NR4A1: variants seen among roughly 807,000 people sequenced by gnomAD.
NR4A1 encodes nuclear receptor subfamily 4immunitygroup A member 1.
In NR4A1, 24 loss-of-function variants were observed where a neutral mutation model predicts 47.5. The observed-to-expected ratio is 0.50, with a 90% confidence interval of 0.37 to 0.71. The LOEUF is 0.71. NR4A1 is among the 30% of genes least tolerant of loss of function. The pLI, the probability that NR4A1 is intolerant of heterozygous loss-of-function variation, is 0.00. For missense variants in NR4A1, 669 were observed against 788.6 expected (o/e 0.85, Z 1.82); for synonymous variants, 353 against 345.7 (o/e 1.02, Z -0.24).
chr12:52,036,836 C>G (rs1258757202), intron 1 of NR4A1, among the ~76,000 whole-genome samples: 1 of 152,218 alleles, frequency 6.6e-6, no homozygotes, highest in East Asian at 1.9e-4. Context: ...CTCTGGGCCT[C>G]GCTCTTTCCA....
At position 52,059,172 on chromosome 12, in the gene NR4A1, C is replaced by CT. The variant is rs1939433217; in HGVS notation, c.*231dup. On this transcript the variant is annotated 3_prime_UTR_variant, in exon 7 of 7. Transcript: ENST00000394825. ...TTATCCCCCCCAGCCTGGCCCCGGC[C>CT]TTTATGTTTTTTGTAAGATAAACCG... is the stretch of plus-strand genomic sequence containing the variant. 1.7e-6 allele frequency: 1 copy of CT among 579,662 alleles called. No individual in the cohort carries two copies. The highest frequency in any genetic ancestry group is 3.0e-6 in the Non-Finnish European group (1 of 337,274). The allele number at this position is 579,662 out of a possible 1,614,324, so 35.9% of individuals were successfully genotyped here. A position where few individuals can be genotyped will look rare whatever the true frequency, so the allele number is the denominator to read the frequency against.
Position 52,057,054 on chromosome 12 carries a change from T to C in NR4A1, c.1159-3T>C. Reference sequence around the variant, plus strand: ...TGCTGACCCCACTGGACCGTCTTCCTAGTTCCAGGAGCTGGTGCTGCCCCA... The same window carrying C: ...TGCTGACCCCACTGGACCGTCTTCCCAGTTCCAGGAGCTGGTGCTGCCCCA... On this transcript the variant is annotated splice_polypyrimidine_tract_variant and splice_region_variant and intron_variant, in intron 4 of 6. Transcript: ENST00000394825. 1 of 1,592,470 alleles carries C rather than the reference T, an allele frequency of 6.3e-7. No homozygotes were observed. Among genetic ancestry groups the C allele is most frequent in the South Asian group, 1.1e-5 (1 of 88,010 alleles).
intron 1 of NR4A1, among the ~76,000 whole-genome samples, chr12:52,031,456 G>A (rs1233752621): frequency 6.6e-6 from 1 of 151,728 alleles, no homozygotes; most frequent in Non-Finnish European, 1.5e-5. Flanking sequence ...GGCCCACATG[G>A]TGAAACCCCA....
intron 1 of NR4A1, among the ~76,000 whole-genome samples, chr12:52,032,171 AGGCTGTTTCT>A (rs1161234457): frequency 6.6e-6 from 1 of 152,140 alleles, no homozygotes; most frequent in Non-Finnish European, 1.5e-5. Flanking sequence ...TGTATTTGTG[AGGCTGTTTCT>A]GGAAGAGATT....
Position 52,054,941 on chromosome 12 carries a change from A to G in NR4A1, c.613A>G (p.Ser205Gly). Reference sequence around the variant, plus strand: ...CGGCCCCAGCCCCAGCCTGGCCCAGAGCCCCCTGAAGTTGTTCCCCTCACA... The same window carrying G: ...CGGCCCCAGCCCCAGCCTGGCCCAGGGCCCCCTGAAGTTGTTCCCCTCACA... ...PTGPSPSLAQ[S>G]PLKLFPSQAT... Residue 205 changes from serine (S) to glycine (G), a missense_variant, in exon 2 of 7, where the codon AGC becomes GGC. Coordinates refer to ENST00000394825, the MANE Select transcript of NR4A1 (RefSeq NM_173157.3). 5 of 1,614,110 alleles carry G rather than the reference A, an allele frequency of 3.1e-6. No individual in the cohort carries two copies. The highest frequency in any genetic ancestry group is 3.4e-6 in the Non-Finnish European group (4 of 1,180,000).
rs1939318667 is a variant in NR4A1, at chr12:52,057,189, T to G, written c.1291T>G (p.Ser431Ala). 2 of 1,613,952 alleles carry G rather than the reference T, an allele frequency of 1.2e-6. No individual in the cohort carries two copies. The highest frequency in any genetic ancestry group is 1.7e-6 in the Non-Finnish European group (2 of 1,179,956). Residue 431 changes from serine (S) to alanine (A), a missense_variant, in exon 5 of 7, where the codon TCA becomes GCA. Physicochemically the swap from Ser to Ala is moderately conservative, Grantham distance 99. Transcript: ENST00000394825. ...AEKIPGFAELSPADQDLLLES... is the reference protein window; with the variant it reads ...AEKIPGFAELAPADQDLLLES... The stretch of plus-strand genomic sequence containing the variant: ...GAAGATCCCTGGCTTTGCTGAGCTG[T>G]CACCGGCTGACCAGGACCTGTTGCT...
rs1485141916 is a variant in NR4A1, at chr12:52,054,342, A to G, written c.14A>G (p.Gln5Arg). 3.1e-6 allele frequency: 5 copies of G among 1,610,140 alleles called. No individual in the cohort carries two copies. Among genetic ancestry groups the G allele is most frequent in the Non-Finnish European group, 4.2e-6 (5 of 1,177,682 alleles). Residue 5 changes from glutamine (Q) to arginine (R), a missense_variant, in exon 2 of 7, where the codon CAA (glutamine) becomes CGA (arginine). Physicochemically the swap from Gln to Arg is conservative, Grantham distance 43. Coordinates refer to ENST00000394825, the MANE Select transcript of NR4A1 (RefSeq NM_173157.3). Reference sequence around the variant, plus strand: ...CTCTCTCCAGAGATGCCCTGTATCCAAGCCCAATATGGGACACCAGCACCG... The same window carrying G: ...CTCTCTCCAGAGATGCCCTGTATCCGAGCCCAATATGGGACACCAGCACCG... MPCI[Q>R]AQYGTPAPSP...
At chr12:52,042,877 G>C (rs1436530332) in intron 2 of NR4A1, among the ~76,000 whole-genome samples, 1 of 152,214 alleles carries the variant, frequency 6.6e-6, no homozygotes, top group Non-Finnish European at 1.5e-5. Context: ...CTCCTTCCCT[G>C]GAAGAGGGCC....
At chr12:52,029,515 C>T (rs893741387) in intron 1 of NR4A1, among the ~76,000 whole-genome samples, 2 of 152,096 alleles carry the variant, frequency 1.3e-5, no homozygotes, top group Non-Finnish European at 2.9e-5. Flanking sequence ...GAGTGAAACC[C>T]CGTCTCTACA....
chr12:52,055,974 T>TTCCC, intron 2 of NR4A1, 56 bp from the exon 3 acceptor site: 1 of 516,350 alleles, frequency 1.9e-6, no homozygotes, highest in East Asian at 5.1e-5. Context: ...TCCCCTAAGT[T>TTCCC]CCCCCCTCCC....
chr12:52,055,466 G>C (rs1360428494), intron 2 of NR4A1: 1 of 587,472 alleles, frequency 1.7e-6, no homozygotes, highest in Non-Finnish European at 3.0e-6. Flanking sequence ...AGGAGCTGCA[G>C]GGGTGCCTGG....
exon 2 of NR4A1, chr12:52,041,884 G>C (rs970636049): frequency 2.0e-6 from 3 of 1,533,724 alleles, no homozygotes; most frequent in East Asian, 4.7e-5. Context: ...CCTGAAGGCA[G>C]ACGGGATAAT....
intron 2 of NR4A1, chr12:52,043,736 C>T (rs1006288086): frequency 4.4e-5 from 56 of 1,281,730 alleles, no homozygotes; most frequent in East Asian, 5.6e-5. Context: ...ATCCAGAGCT[C>T]GCTCAGCTGC....
rs146840622 is a variant in NR4A1 at position 52,052,323 on chromosome 12, G to GAGAGAGAGAGAA, written c.-3+760_-3+761insGAGAGAAAGAGA. Among the ~76,000 whole-genome samples, 384 of 146,668 alleles carry GAGAGAGAGAGAA rather than the reference G, an allele frequency of 2.6e-3. 1 individual carries two copies. The highest frequency in any genetic ancestry group is 6.8e-3 in the Middle Eastern group (2 of 292). On this transcript the variant is annotated intron_variant, in intron 1 of 6. Transcript: ENST00000394825. The stretch of plus-strand genomic sequence containing the variant: ...TGTGTGTGAGAGAGAGAGAGAGAGA[G>GAGAGAGAGAGAA]AGAGAAAGAGAGACAGAGGTGGAAA...
chr12:52,051,334 C>G (rs574482081), upstream of NR4A1: 14 of 940,774 alleles, frequency 1.5e-5, no homozygotes, highest in East Asian at 1.6e-3. Flanking sequence ...GCACCGCCCC[C>G]CGCGCCCTTG....
At chr12:52,023,951 C>T (rs1315627427) in intron 1 of NR4A1, among the ~76,000 whole-genome samples, 12 of 152,238 alleles carry the variant, frequency 7.9e-5, no homozygotes, top group Admixed American at 6.5e-4. Flanking sequence ...TCTCTGCCAG[C>T]TCTCCTCTCT....
chr12:52,048,500 A>G (rs1938765896), upstream of NR4A1, among the ~76,000 whole-genome samples: 1 of 152,068 alleles, frequency 6.6e-6, no homozygotes. Flanking sequence ...AGGCTGAGGC[A>G]GGAGAATGGC....
At chr12:52,051,412 G>C (rs1387833933), upstream of NR4A1, 2 of 985,418 alleles carry the variant, frequency 2.0e-6, no homozygotes, top group African/African-American at 1.7e-5. Context: ...GTCACGGAGC[G>C]CTTAAGAGGA....
chr12:52,036,993 G>GT (rs1430117079), intron 1 of NR4A1, among the ~76,000 whole-genome samples: 41 of 152,322 alleles, frequency 2.7e-4, no homozygotes, highest in African/African-American at 9.1e-4. Context: ...GGTGTGCGGC[G>GT]TGGGGGGAGC....
Sources: gnomAD v4.1 joint callset for allele counts (sites outside exome capture counted in the v4.1 genomes callset) on GRCh38, gnomAD v4.1.1 for gene constraint, MANE v1.5 for transcripts, NCBI Gene and HGNC (gene_info 2026-07-23, HGNC 2026-07-21) for gene names.